The following TRPS1 variants were observed in gnomAD, a reference collection of about 807,000 sequenced individuals.
The protein encoded by TRPS1 is transcriptional repressor GATA binding 1.
Under a neutral mutation model 101.2 loss-of-function variants are expected in TRPS1, and 6 were observed. That is an observed-to-expected ratio of 0.06 (90% CI 0.03 to 0.12). The LOEUF (loss-of-function observed/expected upper bound fraction) is 0.12. Ranked by LOEUF, TRPS1 falls within the 10% of genes least tolerant of loss-of-function variation. TRPS1 has a pLI of 1.00. For synonymous variants in TRPS1, 578 were observed against 589.8 expected (o/e 0.98, Z 0.29); for missense variants, 1,363 against 1,567.0 (o/e 0.87, Z 2.20).
At chr8:115,437,525 T>C (rs1261073918) in intron 5 of TRPS1, among the ~76,000 whole-genome samples, 2 of 152,224 alleles carry the variant, frequency 1.3e-5, no homozygotes, top group Non-Finnish European at 2.9e-5. Flanking sequence ...GTATTTACTA[T>C]CCTGGGTCAA....
intron 5 of TRPS1, among the ~76,000 whole-genome samples, chr8:115,460,027 G>A (rs936597472): frequency 6.6e-6 from 1 of 152,050 alleles, no homozygotes; most frequent in Non-Finnish European, 1.5e-5. Context: ...AATATTAACT[G>A]CTCATTAAAG....
chr8:115,562,282 A>C lies in TRPS1; in HGVS notation c.2700+24719T>G, dbSNP rs535932725. 2.6e-5 allele frequency among the ~76,000 whole-genome samples: 4 copies of C among 152,254 alleles called. No homozygotes were observed. The South Asian group carries it at 8.3e-4, about 32-fold the overall frequency. On this transcript the variant is annotated intron_variant, in intron 5 of 6. Transcript: ENST00000395715. ...TTCCCTTTATTTTGAAGCTTTCAATAGTCTCTTTACTCTGATTGTTCCAAT... is the reference window on the plus strand; with the variant it reads ...TTCCCTTTATTTTGAAGCTTTCAATCGTCTCTTTACTCTGATTGTTCCAAT...
At chr8:115,522,538 TTAAG>T (rs1462974287) in intron 5 of TRPS1, among the ~76,000 whole-genome samples, 2 of 152,176 alleles carry the variant, frequency 1.3e-5, no homozygotes, top group Non-Finnish European at 2.9e-5. Context: ...AAGACAAAAC[TTAAG>T]TGAGTACAAG....
chr8:115,429,214 C>T (rs1048146359), intron 5 of TRPS1, among the ~76,000 whole-genome samples: 9 of 152,172 alleles, frequency 5.9e-5, no homozygotes, highest in African/African-American at 7.2e-5. Context: ...AAATAGCTCA[C>T]GTACACGACT....
intron 4 of TRPS1, among the ~76,000 whole-genome samples, chr8:115,592,986 ATT>A (rs879810280): frequency 6.8e-6 from 1 of 146,824 alleles, no homozygotes. Flanking sequence ...TCCCAAATAA[ATT>A]TTTTTTTTTT....
At chr8:115,566,612 GA>G (rs200228557) in intron 5 of TRPS1, among the ~76,000 whole-genome samples, 8 of 147,694 alleles carry the variant, frequency 5.4e-5, no homozygotes, top group Admixed American at 2.0e-4. Flanking sequence ...TCAGAAAACA[GA>G]AAAAAAAACA....
chr8:115,508,985 A>G (rs1815513386), intron 5 of TRPS1, among the ~76,000 whole-genome samples: 1 of 151,986 alleles, frequency 6.6e-6, no homozygotes, highest in African/African-American at 2.4e-5. Context: ...TTTAGGCAGC[A>G]TTTGGGGCTT....
chr8:115,631,315 ATTG>A (rs1156779761), intron 1 of TRPS1, among the ~76,000 whole-genome samples: 3 of 152,138 alleles, frequency 2.0e-5, no homozygotes, highest in African/African-American at 7.2e-5. Flanking sequence ...TTATATTATC[ATTG>A]TTGTTAATTC....
At chr8:115,589,240 A>C (rs922302954) in intron 4 of TRPS1, among the ~76,000 whole-genome samples, 5 of 152,082 alleles carry the variant, frequency 3.3e-5, no homozygotes, top group African/African-American at 1.2e-4. Flanking sequence ...TGGTAGGGAC[A>C]GGGGATCTCG....
chr8:115,477,716 C>A (rs1275178141), intron 5 of TRPS1, among the ~76,000 whole-genome samples: 1 of 152,180 alleles, frequency 6.6e-6, no homozygotes, highest in Non-Finnish European at 1.5e-5. Flanking sequence ...GTGTTCATCT[C>A]TGTATCCTTA....
chr8:115,421,585 A>G (rs1813062088), intron 5 of TRPS1, among the ~76,000 whole-genome samples: 1 of 152,170 alleles, frequency 6.6e-6, no homozygotes, highest in Admixed American at 6.6e-5. Context: ...GCAAGCTTGC[A>G]TGGGGGTGGA....
At chr8:115,491,089 G>A (rs1226809544) in intron 5 of TRPS1, among the ~76,000 whole-genome samples, 2 of 152,134 alleles carry the variant, frequency 1.3e-5, no homozygotes, top group South Asian at 2.1e-4. Flanking sequence ...CCCTTCTGAG[G>A]TGCTAACTGG....
rs188912954 is a variant in TRPS1, at chr8:115,417,310, C to T, written c.2823+1020G>A. On this transcript the variant is annotated intron_variant, in intron 6 of 6. Transcript: ENST00000395715. ...TACATGCTAATAACTAAGGTTTTTA[C>T]AGTTTACTGCCAATTAGTAGTGTTA... Among the ~76,000 whole-genome samples the T allele has an allele frequency of 2.0e-3, 304 of 152,186 alleles. 1 individual carries two copies. The highest frequency in any genetic ancestry group is 3.4e-3 in the Non-Finnish European group (228 of 68,018).
At chr8:115,467,279 G>A (rs773741165) in intron 5 of TRPS1, among the ~76,000 whole-genome samples, 9 of 151,964 alleles carry the variant, frequency 5.9e-5, no homozygotes, top group Non-Finnish European at 1.2e-4. Flanking sequence ...AAGCAGCTCT[G>A]GCCTGTGGAA....
chr8:115,535,019 A>G (rs1341411361), intron 5 of TRPS1, among the ~76,000 whole-genome samples: 4 of 148,778 alleles, frequency 2.7e-5, no homozygotes, highest in African/African-American at 9.8e-5. Flanking sequence ...TATAGCATAT[A>G]TATAAGCATA....
At chr8:115,603,653 G>A (rs957708202) in intron 4 of TRPS1, among the ~76,000 whole-genome samples, 4 of 152,066 alleles carry the variant, frequency 2.6e-5, no homozygotes, top group African/African-American at 4.8e-5. Flanking sequence ...TGAAACATGA[G>A]CATACAGTCC....
chr8:115,455,709 C>T (rs1813998752), intron 5 of TRPS1, among the ~76,000 whole-genome samples: 1 of 151,676 alleles, frequency 6.6e-6, no homozygotes, highest in African/African-American at 2.4e-5. Context: ...TTCCTTTTTC[C>T]TCCAAAGACA....
At position 115,475,267 on chromosome 8, in the gene TRPS1, TA is replaced by T. The variant is rs1263314150; in HGVS notation, c.2701-56816del. On this transcript the variant is annotated intron_variant, in intron 5 of 6. Coordinates refer to ENST00000395715, the MANE Select transcript of TRPS1 (RefSeq NM_014112.5). ...TTACTATATATTTTTGAATCACAGT[TA>T]TATATATATATATATATATATATAT... 5.8e-3 allele frequency among the ~76,000 whole-genome samples: 17 copies of T among 2,906 alleles called. No individual in the cohort carries two copies. The East Asian group carries it at 0.12, about 20-fold the overall frequency. 1.9% of individuals were successfully genotyped at this position (2,906 alleles called of 152,430 possible).
intron 5 of TRPS1, among the ~76,000 whole-genome samples, chr8:115,435,695 C>T (rs754473689): frequency 5.9e-5 from 9 of 152,122 alleles, no homozygotes; most frequent in Non-Finnish European, 1.3e-4. Flanking sequence ...TAGAGAGTTA[C>T]TACAATGTTC....
Sources: gnomAD v4.1 joint callset for allele counts (sites outside exome capture counted in the v4.1 genomes callset) on GRCh38, gnomAD v4.1.1 for gene constraint, MANE v1.5 for transcripts, NCBI Gene and HGNC (gene_info 2026-07-23, HGNC 2026-07-21) for gene names.